Variants in RIC1 observed in about 807,000 individuals in gnomAD.
RIC1 encodes RIC1 partner of RAB6A GEF complex, also known as guanine nucleotide exchange factor subunit RIC1.
Under a neutral mutation model 169.0 loss-of-function variants are expected in RIC1, and 88 were observed. The ratio of observed to expected loss-of-function variants is 0.52; its 90% CI spans 0.44 to 0.62. The LOEUF is 0.62. RIC1 is among the 20% of genes least tolerant of loss of function. The probability of loss-of-function intolerance (pLI) is 0.00; values close to 1 mark genes in which losing one functional copy is unlikely to be tolerated. For synonymous variants in RIC1, 790 were observed against 601.5 expected (o/e 1.31, Z -4.59); for missense variants, 1,877 against 1,725.5 (o/e 1.09, Z -1.56).
rs1275759426 is a variant in RIC1 at position 5,720,609 on chromosome 9, ATCAGTAGGTTCAT to A, written c.584-2_594del. 3.2e-6 allele frequency: 5 copies of A among 1,578,404 alleles called. No homozygotes were observed. Reference sequence around the variant, plus strand: ...CCTATTTCATGTGCTTATTTTTTTCATCAGTAGGTTCATTCCTGGGCTTCACAGACGTACACAT... The same window carrying A: ...CCTATTTCATGTGCTTATTTTTTTCATCCTGGGCTTCACAGACGTACACAT... On this transcript the variant is annotated splice_acceptor_variant and splice_polypyrimidine_tract_variant and coding_sequence_variant and intron_variant, in exon 6 of 26. Transcript: ENST00000414202. LOFTEE classifies it high-confidence loss of function.
chr9:5,763,076 T>C lies in RIC1; in HGVS notation c.2113-64T>C. On this transcript the variant is annotated intron_variant, in intron 18 of 25. Coordinates refer to ENST00000414202, the MANE Select transcript of RIC1 (RefSeq NM_020829.4). The surrounding 1 kb of genome is among the most constrained non-coding windows in gnomAD (Gnocchi z 5.2). ...TTGAAAGACTTAGTAAACTAGTACC[T>C]AGGAACTTAAGAACCTGCAGATTTA... is the stretch of plus-strand genomic sequence containing the variant. The C allele has an allele frequency of 1.3e-6, 2 of 1,552,728 alleles. No homozygotes were observed. Among genetic ancestry groups the C allele is most frequent in the Non-Finnish European group, 1.7e-6 (2 of 1,150,286 alleles).
rs781672697 is a variant in RIC1, at chr9:5,656,707, G to A, written c.252+17G>A. On this transcript the variant is annotated intron_variant, in intron 2 of 25. Transcript: ENST00000414202. ...GCTGTATCAGTAAGTAGATTTTACC[G>A]CTAAATAGTGTTTTCTTATGAAATC... 98 of 1,349,078 alleles carry A rather than the reference G, an allele frequency of 7.3e-5. No individual in the cohort carries two copies. Among genetic ancestry groups the A allele is most frequent in the Admixed American group, 2.7e-4 (14 of 51,352 alleles). The allele number at this position is 1,349,078 out of a possible 1,614,324, so 83.6% of individuals were successfully genotyped here. A position where few individuals can be genotyped will look rare whatever the true frequency, so the allele number is the denominator to read the frequency against.
chr9:5,746,266 G>A (rs918342920), intron 11 of RIC1, among the ~76,000 whole-genome samples, 183 bp downstream of exon 11: 1 of 151,890 alleles, frequency 6.6e-6, no homozygotes, highest in Non-Finnish European at 1.5e-5. Flanking sequence ...AACGGGTTGT[G>A]TTTCTTTGGT....
At chr9:5,676,373 A>G (rs893020179) in intron 2 of RIC1, among the ~76,000 whole-genome samples, 3 of 152,208 alleles carry the variant, frequency 2.0e-5, no homozygotes, top group African/African-American at 7.2e-5. Context: ...TAAATTGTAT[A>G]ATTATAATAG....
intron 2 of RIC1, among the ~76,000 whole-genome samples, chr9:5,659,760 C>G (rs1378046187): frequency 6.6e-6 from 1 of 152,032 alleles, no homozygotes; most frequent in Non-Finnish European, 1.5e-5. Flanking sequence ...TTTTAAATTT[C>G]TTTTTGATGC....
intron 1 of RIC1, among the ~76,000 whole-genome samples, chr9:5,649,172 G>C (rs1818675687): frequency 6.6e-6 from 1 of 152,074 alleles, no homozygotes; most frequent in African/African-American, 2.4e-5. Flanking sequence ...ACTATATCAA[G>C]TGTCTTCTTA....
intron 2 of RIC1, among the ~76,000 whole-genome samples, chr9:5,670,761 A>G (rs550324850): frequency 3.9e-4 from 60 of 152,384 alleles, no homozygotes; most frequent in African/African-American, 1.3e-3. Flanking sequence ...AGTTTAATTC[A>G]TGAAGAGCTG....
At position 5,773,014 on chromosome 9, in the gene RIC1, A is replaced by C; in HGVS notation, c.3917A>C (p.Asp1306Ala). Residue 1306 changes from aspartate (D) to alanine (A), a missense_variant, in exon 25 of 26, where the codon GAT (aspartate) becomes GCT (alanine). By Grantham distance (126) the Asp-to-Ala change is moderately radical. Around this residue, in one of 3 missense-constraint regions of RIC1, gnomAD observed 681 missense variants for 582.0 expected, o/e 1.17. Coordinates refer to ENST00000414202, the MANE Select transcript of RIC1 (RefSeq NM_020829.4). Reference sequence around the variant, plus strand: ...GTTATTACACAGTCTTCAGAGGTAGATGGAGAGATGTTACAGAACATAAAG... The same window carrying C: ...GTTATTACACAGTCTTCAGAGGTAGCTGGAGAGATGTTACAGAACATAAAG... ...ILVITQSSEV[D>A]GEMLQNIKTG... The C allele has an allele frequency of 1.9e-6, 3 of 1,613,706 alleles. No individual in the cohort carries two copies. The highest frequency in any genetic ancestry group is 1.7e-6 in the Non-Finnish European group (2 of 1,179,766).
At chr9:5,760,239 G>C (rs1290089485) in intron 17 of RIC1, among the ~76,000 whole-genome samples, 1 of 152,154 alleles carries the variant, frequency 6.6e-6, no homozygotes, top group East Asian at 1.9e-4. Flanking sequence ...GTAAGAGATT[G>C]AGTTTGGGGT....
chr9:5,671,713 GC>G (rs1820118342), intron 2 of RIC1, among the ~76,000 whole-genome samples: 1 of 152,156 alleles, frequency 6.6e-6, no homozygotes, highest in Non-Finnish European at 1.5e-5. Flanking sequence ...GAAGGACTAA[GC>G]CCCCATTCCT....
intron 3 of RIC1, among the ~76,000 whole-genome samples, chr9:5,697,233 C>T (rs1487990272): frequency 6.6e-6 from 1 of 152,210 alleles, no homozygotes; most frequent in Non-Finnish European, 1.5e-5. Context: ...TTCTCCTCAA[C>T]TTAACAAGGC....
chr9:5,631,679 CTG>C (rs1817720816), intron 1 of RIC1, among the ~76,000 whole-genome samples: 2 of 134,082 alleles, frequency 1.5e-5, no homozygotes, highest in Admixed American at 1.5e-4. Flanking sequence ...GAGCAAGACT[CTG>C]TCTCAAAAAA....
chr9:5,650,792 A>G (rs956860014), intron 1 of RIC1, among the ~76,000 whole-genome samples: 5 of 152,176 alleles, frequency 3.3e-5, no homozygotes, highest in Non-Finnish European at 7.4e-5. Flanking sequence ...TCCCCAGTGC[A>G]TTGCACTTGC....
intron 12 of RIC1, among the ~76,000 whole-genome samples, chr9:5,750,028 C>T (rs1208267675): frequency 6.6e-6 from 1 of 152,040 alleles, no homozygotes; most frequent in Non-Finnish European, 1.5e-5. Flanking sequence ...CCACCTGCCT[C>T]AGCCTCCCAA....
At chr9:5,748,314 C>G (rs934228186) in intron 12 of RIC1, among the ~76,000 whole-genome samples, 3 of 151,974 alleles carry the variant, frequency 2.0e-5, no homozygotes, top group African/African-American at 7.3e-5. Context: ...ATATGTTTAC[C>G]CTACTAGCCT....
downstream of RIC1, among the ~76,000 whole-genome samples, chr9:5,777,748 G>C (rs1220993172): frequency 6.6e-6 from 1 of 152,084 alleles, no homozygotes; most frequent in Non-Finnish European, 1.5e-5. Context: ...TTTATGGAAA[G>C]GATTTTTTTC....
At chr9:5,741,148 A>G (rs1587080885) in intron 8 of RIC1, among the ~76,000 whole-genome samples, 2 of 152,088 alleles carry the variant, frequency 1.3e-5, no homozygotes. Context: ...TTATACATTG[A>G]AGAATTTGTT....
chr9:5,682,883 A>G (rs1434300647), intron 2 of RIC1, among the ~76,000 whole-genome samples: 2 of 151,818 alleles, frequency 1.3e-5, no homozygotes, highest in South Asian at 2.1e-4. Flanking sequence ...TTTTTTCTCT[A>G]CACTTCTCTT....
In RIC1 at chr9:5,747,338, C is replaced by T. The variant is rs771811202; in HGVS notation, c.1285C>T (p.Arg429Cys). 1.7e-5 allele frequency: 28 copies of T among 1,613,914 alleles called. No individual in the cohort carries two copies. The highest frequency in any genetic ancestry group is 3.3e-5 in the South Asian group (3 of 91,078). ...QEQVLLQGED[R>C]LYLNCGEASQ... ...GCAGGTGTTGCTTCAGGGTGAGGAT[C>T]GCTTGTACTTGAACTGTGGAGAGGC... Residue 429 changes from arginine to cysteine, a missense_variant, in exon 12 of 26, where the codon CGC becomes TGC. Physicochemically the swap from Arg to Cys is radical, Grantham distance 180 (BLOSUM62 -3). Around this residue, in one of 3 missense-constraint regions of RIC1, gnomAD observed 1,104 missense variants for 992.0 expected, o/e 1.11. Transcript: ENST00000414202.
Sources: allele counts gnomAD v4.1 joint callset (sites outside exome capture counted in the v4.1 genomes callset), GRCh38; gene constraint gnomAD v4.1.1; regional missense constraint gnomAD v4.1.1; non-coding constraint Gnocchi (gnomAD v3.1); transcripts MANE v1.5; gene names NCBI Gene and HGNC (gene_info 2026-07-23, HGNC 2026-07-21).